Variants in CACNA2D1 observed in about 807,000 individuals in gnomAD.
The protein encoded by CACNA2D1 is calcium voltage-gated channel auxiliary subunit alpha2delta 1.
A neutral mutation model predicts 171.5 loss-of-function variants in CACNA2D1; 53 were observed. The ratio of observed to expected loss-of-function variants is 0.31; its 90% confidence interval spans 0.25 to 0.39. The LOEUF (loss-of-function observed/expected upper bound fraction) is 0.39. Ranked by LOEUF, CACNA2D1 falls within the 10% of genes least tolerant of loss-of-function variation. The probability of loss-of-function intolerance (pLI) is 1.00; values close to 1 mark genes in which losing one functional copy is unlikely to be tolerated. For missense variants in CACNA2D1, 903 were observed against 1,299.8 expected (o/e 0.69, Z 4.69); for synonymous variants, 442 against 443.1 (o/e 1.00, Z 0.03).
At chr7:82,075,449 G>A (rs1301509087) in intron 7 of CACNA2D1, among the ~76,000 whole-genome samples, 3 of 152,258 alleles carry the variant, frequency 2.0e-5, no homozygotes, top group East Asian at 3.9e-4. Flanking sequence ...GGAAATAAGC[G>A]TGAGCACAGT....
At chr7:82,332,300 C>T (rs1817401261) in intron 3 of CACNA2D1, among the ~76,000 whole-genome samples, 1 of 151,964 alleles carries the variant, frequency 6.6e-6, no homozygotes, top group South Asian at 2.1e-4. Flanking sequence ...GACCTCAGCT[C>T]CCACCTCGGC....
chr7:81,978,753 G>GTGTGTGTATATATATATATATA (rs145105210), intron 24 of CACNA2D1, among the ~76,000 whole-genome samples: 1 of 139,478 alleles, frequency 7.2e-6, no homozygotes, highest in Non-Finnish European at 1.5e-5. Context: ...TTTAAAAAGT[G>GTGTGTGTATATATATATATATA]TATATATATA....
At chr7:81,952,895 C>T (rs1041705040) in intron 38 of CACNA2D1, among the ~76,000 whole-genome samples, 13 of 152,024 alleles carry the variant, frequency 8.6e-5, no homozygotes, top group Admixed American at 3.9e-4. Flanking sequence ...GGATTTCAAA[C>T]TTGACTTGCC....
chr7:82,292,941 C>T (rs1422566979), intron 3 of CACNA2D1, among the ~76,000 whole-genome samples: 2 of 152,040 alleles, frequency 1.3e-5, no homozygotes, highest in African/African-American at 2.4e-5. Context: ...TATATACACA[C>T]ACACACATAC....
Position 82,137,044 on chromosome 7 carries a change from G to C in CACNA2D1, c.355-368C>G, listed in dbSNP as rs115823065. Among the ~76,000 whole-genome samples the C allele has an allele frequency of 2.5e-3, 387 of 152,296 alleles. 5 individuals carry two copies. In the South Asian group the frequency reaches 0.028, roughly 11 times the overall value. ...TGTAAGATACGTGTCTTAATACTTT[G>C]TTGAAGCCATGATTTTTATATACAT... is the stretch of plus-strand genomic sequence containing the variant. On this transcript the variant is annotated intron_variant, in intron 4 of 38. Coordinates refer to ENST00000356860, the MANE Select transcript of CACNA2D1 (RefSeq NM_000722.4).
Position 81,968,903 on chromosome 7 carries a change from T to C in CACNA2D1, c.2379A>G (p.Lys793=). Residue 793 remains lysine (K), a synonymous_variant, in exon 29 of 39, where the codon AAA becomes AAG. Transcript: ENST00000356860. ...SKAVEIYIQG[K]LLKPAVVGIK... Reference sequence around the variant, plus strand: ...TATCCTTACCTGCAGGTTTAAGAAGTTTCCCTTGAATATATATTTCTACAG... The same window carrying C: ...TATCCTTACCTGCAGGTTTAAGAAGCTTCCCTTGAATATATATTTCTACAG... 6.4e-7 allele frequency: 1 copy of C among 1,563,264 alleles called. No homozygotes were observed. Among genetic ancestry groups the C allele is most frequent in the East Asian group, 2.2e-5 (1 of 44,450 alleles).
At chr7:82,288,248 T>C (rs1811083262) in intron 3 of CACNA2D1, among the ~76,000 whole-genome samples, 1 of 152,116 alleles carries the variant, frequency 6.6e-6, no homozygotes, top group South Asian at 2.1e-4. Context: ...TCAGTATTTC[T>C]TAAAAGATGT....
At chr7:82,369,875 T>C (rs1273700062) in intron 1 of CACNA2D1, among the ~76,000 whole-genome samples, 3 of 152,096 alleles carry the variant, frequency 2.0e-5, no homozygotes, top group African/African-American at 2.4e-5. Flanking sequence ...TGGAAGATAC[T>C]AAATAAACAA....
chr7:82,117,850 A>G (rs1049596726), intron 5 of CACNA2D1, among the ~76,000 whole-genome samples: 2 of 152,082 alleles, frequency 1.3e-5, no homozygotes, highest in African/African-American at 4.8e-5. Context: ...TTTAAATACA[A>G]CCTAACTAAT....
At chr7:82,045,084 C>T (rs1322134475) in intron 10 of CACNA2D1, among the ~76,000 whole-genome samples, 1 of 150,752 alleles carries the variant, frequency 6.6e-6, no homozygotes, top group Non-Finnish European at 1.5e-5. Context: ...CTTTGAATTT[C>T]AGAAGTCAAT....
At chr7:82,402,202 C>T (rs916584377) in intron 1 of CACNA2D1, among the ~76,000 whole-genome samples, 30 of 152,102 alleles carry the variant, frequency 2.0e-4, no homozygotes, top group Non-Finnish European at 4.1e-4. Context: ...AAAGGAACAG[C>T]ATATGCAAAG....
intron 1 of CACNA2D1, among the ~76,000 whole-genome samples, chr7:82,430,789 TA>T (rs1248710331): frequency 1.3e-5 from 2 of 152,206 alleles, no homozygotes; most frequent in Non-Finnish European, 2.9e-5. Flanking sequence ...TTGATTTTAC[TA>T]TCCTGCACTT....
chr7:82,044,510 T>C (rs973153372), intron 10 of CACNA2D1, among the ~76,000 whole-genome samples: 7 of 152,192 alleles, frequency 4.6e-5, no homozygotes, highest in African/African-American at 1.7e-4. Flanking sequence ...AAAAGGATTT[T>C]TTAAATTAAA....
At chr7:81,978,827 T>C (rs898595761) in intron 24 of CACNA2D1, among the ~76,000 whole-genome samples, 11 of 147,590 alleles carry the variant, frequency 7.5e-5, no homozygotes, top group Non-Finnish European at 3.0e-5. Flanking sequence ...TATATTTATT[T>C]ATTTATTTAT....
chr7:82,398,160 T>C (rs908299057), intron 1 of CACNA2D1, among the ~76,000 whole-genome samples: 1 of 152,112 alleles, frequency 6.6e-6, no homozygotes, highest in African/African-American at 2.4e-5. Flanking sequence ...AAGGAAGGGC[T>C]CAATAGCCTT....
intron 7 of CACNA2D1, among the ~76,000 whole-genome samples, chr7:82,079,388 G>A (rs1809408127): frequency 6.6e-6 from 1 of 151,936 alleles, no homozygotes; most frequent in Non-Finnish European, 1.5e-5. Flanking sequence ...TAATTACTGT[G>A]GAATCTAAAA....
At chr7:82,342,053 CAAAAAAAAAAAAAA>C (rs60799157) in intron 2 of CACNA2D1, among the ~76,000 whole-genome samples, 1 of 65,492 alleles carries the variant, frequency 1.5e-5, no homozygotes, top group Non-Finnish European at 2.9e-5. Context: ...GACTCCGTCT[CAAAAAAAAAAAAAA>C]AAAAAAAAAA....
chr7:82,380,938 G>C (rs1258708986), intron 1 of CACNA2D1, among the ~76,000 whole-genome samples: 3 of 152,046 alleles, frequency 2.0e-5, no homozygotes, highest in African/African-American at 7.2e-5. Context: ...CAAGTGATCT[G>C]CCTGCCTTGG....
rs200160135 is a variant in CACNA2D1, at chr7:82,192,460, TTG to T, written c.295-21853_295-21852del. The stretch of plus-strand genomic sequence containing the variant: ...TGTGTGTGTGTATGTGTGTTTGTGT[TTG>T]TGTGTGTGTGTGTGTGTGTGTGTGT... On this transcript the variant is annotated intron_variant, in intron 3 of 38. Transcript: ENST00000356860. Among the ~76,000 whole-genome samples, 1,104 of 136,660 alleles carry T rather than the reference TTG, an allele frequency of 8.1e-3. 5 individuals carry two copies. Among genetic ancestry groups the T allele is most frequent in the Middle Eastern group, 0.031 (8 of 260 alleles). The allele number at this position is 136,660 out of a possible 152,430, so 89.7% of individuals were successfully genotyped here. A position where few individuals can be genotyped will look rare whatever the true frequency, so the allele number is the denominator to read the frequency against.
Sources: gnomAD v4.1 joint callset for allele counts (sites outside exome capture counted in the v4.1 genomes callset) on GRCh38, gnomAD v4.1.1 for gene constraint, MANE v1.5 for transcripts, NCBI Gene and HGNC (gene_info 2026-07-23, HGNC 2026-07-21) for gene names.